POU6F2: variants seen among roughly 807,000 people sequenced by gnomAD.
POU6F2 encodes POU class 6 homeobox 2, also known as POU domain, class 6, transcription factor 2.
A neutral mutation model predicts 71.3 loss-of-function variants in POU6F2; 31 were observed. The observed-to-expected ratio is 0.43, with a 90% CI of 0.33 to 0.59. The LOEUF (loss-of-function observed/expected upper bound fraction) is 0.59, where lower values mean the gene tolerates loss of function less well. Ranked by LOEUF, POU6F2 falls within the 20% of genes least tolerant of loss-of-function variation. The pLI, the probability that POU6F2 is intolerant of heterozygous loss-of-function variation, is 0.04. For missense variants in POU6F2, 783 were observed against 856.8 expected (o/e 0.91, Z 1.07); for synonymous variants, 347 against 355.7 (o/e 0.98, Z 0.27).
intron 2 of POU6F2, among the ~76,000 whole-genome samples, chr7:39,137,201 C>T (rs1792405568): frequency 6.6e-6 from 1 of 151,920 alleles, no homozygotes; most frequent in South Asian, 2.1e-4. Context: ...GCTAATTACC[C>T]TGATTTGATA....
At chr7:39,056,012 A>C (rs201430196) in intron 1 of POU6F2, among the ~76,000 whole-genome samples, 1 of 69,212 alleles carries the variant, frequency 1.4e-5, no homozygotes, top group Non-Finnish European at 2.9e-5. Flanking sequence ...TTTAATCTTT[A>C]AAAAAAAAAG....
At chr7:39,210,173 T>C (rs1194606160) in intron 4 of POU6F2, among the ~76,000 whole-genome samples, 1 of 152,130 alleles carries the variant, frequency 6.6e-6, no homozygotes, top group East Asian at 1.9e-4. Context: ...ATAAAACATA[T>C]TTGGTGGGTC....
At chr7:39,259,519 C>T (rs1417847343) in intron 4 of POU6F2, among the ~76,000 whole-genome samples, 1 of 152,080 alleles carries the variant, frequency 6.6e-6, no homozygotes, top group African/African-American at 2.4e-5. Flanking sequence ...AGCAGGACAC[C>T]CAGCCCTGAG....
intron 1 of POU6F2, among the ~76,000 whole-genome samples, chr7:39,058,261 G>A (rs1028289622): frequency 2.0e-5 from 3 of 152,174 alleles, no homozygotes; most frequent in African/African-American, 7.2e-5. Context: ...GGTGAGTTCT[G>A]TACTAGGAGC....
At chr7:39,239,883 T>C (rs1281434211) in intron 4 of POU6F2, among the ~76,000 whole-genome samples, 1 of 152,114 alleles carries the variant, frequency 6.6e-6, no homozygotes, top group African/African-American at 2.4e-5. Context: ...GGTGGAAAAC[T>C]GTGGCTTCAT....
Position 39,335,637 on chromosome 7 carries a change from A to G in POU6F2, c.599-4005A>G, listed in dbSNP as rs138976626. Among the ~76,000 whole-genome samples, 6 of 152,352 alleles carry G rather than the reference A, an allele frequency of 3.9e-5. No individual in the cohort carries two copies. The East Asian group carries it at 9.6e-4, about 24-fold the overall frequency. ...CTTAACCTTTCTGAGACTGAGTTCTATATGTATAACATGGCAATAACACCA... is the reference window on the plus strand; with the variant it reads ...CTTAACCTTTCTGAGACTGAGTTCTGTATGTATAACATGGCAATAACACCA... On this transcript the variant is annotated intron_variant, in intron 4 of 9. Transcript: ENST00000518318.
At position 39,418,939 on chromosome 7, in the gene POU6F2, G is replaced by GTATATATA. The variant is rs149279901; in HGVS notation, c.1113+12206_1113+12207insATATATAT. Among the ~76,000 whole-genome samples the GTATATATA allele has an allele frequency of 2.8e-3, 388 of 136,644 alleles. 3 individuals are homozygous for GTATATATA. The highest frequency in any genetic ancestry group is 7.7e-3 in the Middle Eastern group (2 of 260). The allele number at this position is 136,644 out of a possible 152,430, so 89.6% of individuals were successfully genotyped here. A position where few individuals can be genotyped will look rare whatever the true frequency, so the allele number is the denominator to read the frequency against. On this transcript the variant is annotated intron_variant, in intron 6 of 9. Transcript: ENST00000518318. Reference sequence around the variant, plus strand: ...TATATATGTATATATGTATATATGTGTATATATGTATATATGTATATATAT... The same window carrying GTATATATA: ...TATATATGTATATATGTATATATGTGTATATATATATATATGTATATATGTATATATAT...
intron 4 of POU6F2, among the ~76,000 whole-genome samples, chr7:39,225,971 G>T (rs6462897): frequency 0.61 from 91,815 of 151,042 alleles, 28,987 homozygotes; most frequent in East Asian, 0.97. Flanking sequence ...AAAAAAGGTT[G>T]TTTTTTTTTA....
At chr7:38,982,103 T>A (rs941012189) in intron 1 of POU6F2, among the ~76,000 whole-genome samples, 1 of 152,158 alleles carries the variant, frequency 6.6e-6, no homozygotes, top group Non-Finnish European at 1.5e-5. Flanking sequence ...AAGATTGCCC[T>A]CTGTCAATTT....
At chr7:39,451,783 T>C in intron 8 of POU6F2, 82 bp downstream of exon 8, 2 of 1,428,816 alleles carry the variant, frequency 1.4e-6, no homozygotes, top group Non-Finnish European at 9.6e-7. Flanking sequence ...TGTCTCTCTC[T>C]CACTCTCTCT....
intron 8 of POU6F2, among the ~76,000 whole-genome samples, chr7:39,457,670 AT>A (rs1788835541): frequency 6.6e-6 from 1 of 152,212 alleles, no homozygotes; most frequent in Admixed American, 6.5e-5. Context: ...CTGCATCAGA[AT>A]CGCTTGTGTT....
intron 2 of POU6F2, among the ~76,000 whole-genome samples, chr7:39,091,793 C>T (rs184699712): frequency 1.3e-5 from 2 of 152,326 alleles, no homozygotes; most frequent in East Asian, 1.9e-4. Flanking sequence ...TGACCAAATA[C>T]GTTTTTCTCC....
At chr7:39,009,698 T>A (rs1789205908) in intron 1 of POU6F2, among the ~76,000 whole-genome samples, 1 of 152,110 alleles carries the variant, frequency 6.6e-6, no homozygotes, top group Admixed American at 6.6e-5. Context: ...ATACGTCCCA[T>A]CAATACCTAA....
chr7:39,377,587 T>G (rs2115779980), intron 5 of POU6F2, among the ~76,000 whole-genome samples: 1 of 152,334 alleles, frequency 6.6e-6, no homozygotes, highest in African/African-American at 2.4e-5. Flanking sequence ...CAGGAAGAAC[T>G]TCCAGAGCTT....
intron 2 of POU6F2, among the ~76,000 whole-genome samples, chr7:39,167,893 G>C (rs966955048): frequency 6.6e-6 from 1 of 151,526 alleles, no homozygotes; most frequent in Non-Finnish European, 1.5e-5. Context: ...CTTATTTTTG[G>C]CTTTTAGGTT....
chr7:39,017,741 C>A (rs1394534121), intron 1 of POU6F2, among the ~76,000 whole-genome samples: 1 of 151,820 alleles, frequency 6.6e-6, no homozygotes, highest in East Asian at 1.9e-4. Context: ...TTTTCTAACC[C>A]AATTATTTGC....
intron 4 of POU6F2, among the ~76,000 whole-genome samples, chr7:39,316,611 A>T (rs999214985): frequency 6.6e-6 from 1 of 152,198 alleles, no homozygotes; most frequent in Admixed American, 6.5e-5. Context: ...TATGTTCCAT[A>T]TAAGACTTAT....
At chr7:39,456,123 C>A (rs1026041675) in intron 8 of POU6F2, among the ~76,000 whole-genome samples, 1 of 152,168 alleles carries the variant, frequency 6.6e-6, no homozygotes, top group African/African-American at 2.4e-5. Flanking sequence ...ATTTCCTCCA[C>A]CCTCCATAGA....
At position 39,193,426 on chromosome 7, in the gene POU6F2, A is replaced by G. The variant is rs191053137; in HGVS notation, c.278-10809A>G. Among the ~76,000 whole-genome samples the G allele has an allele frequency of 8.5e-5, 13 of 152,346 alleles. No individual in the cohort carries two copies. The South Asian group carries it at 2.5e-3, about 29-fold the overall frequency. On this transcript the variant is annotated intron_variant, in intron 2 of 9. Transcript: ENST00000518318. ...AAAATATCTGAAAAATGCAATTTGT[A>G]TCATGATATTGGTGATTTATTGTGG...
Sources: allele counts gnomAD v4.1 joint callset (sites outside exome capture counted in the v4.1 genomes callset), GRCh38; gene constraint gnomAD v4.1.1; transcripts MANE v1.5; gene names NCBI Gene and HGNC (gene_info 2026-07-23, HGNC 2026-07-21).